CPXM2: variants seen among roughly 807,000 people sequenced by gnomAD.
CPXM2 encodes carboxypeptidase X, M14 family member 2, also known as inactive carboxypeptidase-like protein X2.
CPXM2 carries 66 observed loss-of-function variants against 86.1 expected under a neutral mutation model. The observed-to-expected ratio is 0.77, with a 90% CI of 0.63 to 0.94. The LOEUF (loss-of-function observed/expected upper bound fraction) is 0.94. Ranked by LOEUF, CPXM2 falls within the 40% of genes least tolerant of loss-of-function variation. CPXM2 has a pLI of 0.00. For synonymous variants in CPXM2, 388 were observed against 400.2 expected, an observed-to-expected ratio of 0.97 and a Z score of 0.36; for missense variants, 948 against 1,026.3, an observed-to-expected ratio of 0.92 and a Z score of 1.04.
chr10:123,850,353 T>G (rs988258703), intron 3 of CPXM2, among the ~76,000 whole-genome samples: 1 of 152,232 alleles, frequency 6.6e-6, no homozygotes, highest in Non-Finnish European at 1.5e-5. Context: ...CTGTGGTTTC[T>G]CTTTCCATGG....
At chr10:123,921,547 G>T (rs891847908) in intron 2 of CPXM2, among the ~76,000 whole-genome samples, 1 of 152,210 alleles carries the variant, frequency 6.6e-6, no homozygotes, top group Admixed American at 6.5e-5. Flanking sequence ...TAAGATAAGA[G>T]CTGGCAGCCC....
intron 4 of CPXM2, among the ~76,000 whole-genome samples, chr10:123,799,972 C>A (rs1041965051): frequency 2.0e-5 from 3 of 151,250 alleles, no homozygotes; most frequent in Admixed American, 6.6e-5. Context: ...CCTGAGTACA[C>A]CCCCTCTTTT....
At chr10:123,751,453 C>A (rs1846074305) in intron 13 of CPXM2, 1 of 960,618 alleles carries the variant, frequency 1.0e-6, no homozygotes, top group Non-Finnish European at 1.2e-6. Flanking sequence ...AGGTTTGCGT[C>A]TTTCCTTATA....
chr10:123,880,340 T>G, intron 1 of CPXM2, 31 bp from the exon 2 acceptor site: 1 of 925,748 alleles, frequency 1.1e-6, no homozygotes, highest in Non-Finnish European at 1.8e-6. Context: ...GCCTTTACTT[T>G]CACATACATC....
intron 2 of CPXM2, among the ~76,000 whole-genome samples, chr10:123,874,501 C>T (rs1426040214): frequency 6.6e-6 from 1 of 152,136 alleles, no homozygotes; most frequent in Non-Finnish European, 1.5e-5. Flanking sequence ...CTTTCATAGC[C>T]AAATGTTTAA....
intron 2 of CPXM2, among the ~76,000 whole-genome samples, chr10:123,917,157 A>G (rs965509432): frequency 3.3e-5 from 5 of 152,316 alleles, no homozygotes; most frequent in African/African-American, 7.2e-5. Context: ...AAATAGATCT[A>G]TACAATCAGC....
At chr10:123,748,734 C>T (rs560905562) in intron 13 of CPXM2, among the ~76,000 whole-genome samples, 28 of 152,166 alleles carry the variant, frequency 1.8e-4, no homozygotes, top group South Asian at 1.0e-3. Flanking sequence ...AGGAGCACGT[C>T]GACAGGCTGA....
At chr10:123,845,305 T>G (rs1848474924) in intron 3 of CPXM2, among the ~76,000 whole-genome samples, 1 of 150,832 alleles carries the variant, frequency 6.6e-6, no homozygotes, top group South Asian at 2.1e-4. Flanking sequence ...CACCATGCAG[T>G]CAGGTTTATA....
Position 123,827,571 on chromosome 10 carries a change from A to G in CPXM2, c.653+14778T>C, listed in dbSNP as rs149005661. 2.6e-3 allele frequency among the ~76,000 whole-genome samples: 396 copies of G among 152,358 alleles called. 4 individuals carry two copies. The highest frequency in any genetic ancestry group is 6.0e-3 in the African/African-American group (248 of 41,584). ...ATTCTGATGAAAGAAAACAAAGAAGATTTAAATAAATGGAAAAATATCCCA... is the reference window on the plus strand; with the variant it reads ...ATTCTGATGAAAGAAAACAAAGAAGGTTTAAATAAATGGAAAAATATCCCA... On this transcript the variant is annotated intron_variant, in intron 4 of 13. Coordinates refer to ENST00000241305, the MANE Select transcript of CPXM2 (RefSeq NM_198148.3).
intron 2 of CPXM2, among the ~76,000 whole-genome samples, chr10:123,908,647 G>A (rs906685694): frequency 3.3e-5 from 5 of 152,140 alleles, no homozygotes; most frequent in African/African-American, 1.2e-4. Flanking sequence ...GGGGTACCAG[G>A]AATGGCTGCA....
intron 6 of CPXM2, among the ~76,000 whole-genome samples, chr10:123,787,833 G>A (rs1240649852): frequency 2.0e-5 from 3 of 152,158 alleles, no homozygotes; most frequent in Non-Finnish European, 4.4e-5. Context: ...CATAGGGACA[G>A]CAGATTCCAA....
At chr10:123,796,975 T>C (rs1356706120) in intron 6 of CPXM2, among the ~76,000 whole-genome samples, 1 of 152,198 alleles carries the variant, frequency 6.6e-6, no homozygotes, top group Non-Finnish European at 1.5e-5. Context: ...TTTGGAGATG[T>C]GTGGTCAGGA....
chr10:123,757,603 AAAG>A (rs1846245026), intron 11 of CPXM2, among the ~76,000 whole-genome samples: 2 of 152,372 alleles, frequency 1.3e-5, no homozygotes, highest in African/African-American at 2.4e-5. Context: ...GTCTTTGACA[AAAG>A]AAGAATTGAA....
rs1221826659 is a variant in CPXM2 at position 123,754,664 on chromosome 10, T to C, written c.2016A>G (p.Thr672=). ...SVEGINHDIR[T]ANDGDYWRLL... is the part of the protein sequence containing the mutation. ...CAGTCTGCACACATTTGCAGTTACC[T>C]GTTCGGATGTCATGGTTAATGCCTT... Residue 672 remains threonine (T), a splice_region_variant and synonymous_variant, in exon 13 of 14, where the codon ACA becomes ACG. Transcript: ENST00000241305. This position sits in a 1 kb window ranked among gnomAD's most constrained non-coding sequence, Gnocchi z 4.0. The C allele has an allele frequency of 2.6e-6, 4 of 1,535,838 alleles. No individual in the cohort carries two copies. The highest frequency in any genetic ancestry group is 2.7e-5 in the African/African-American group (2 of 73,468).
rs553797182 is a variant in CPXM2 at position 123,891,564 on chromosome 10, G to T, written c.96C>A (p.Asp32Glu). 4 of 1,546,130 alleles carry T rather than the reference G, an allele frequency of 2.6e-6. 1 individual carries two copies. The South Asian group carries it at 4.8e-5, about 18-fold the overall frequency. Residue 32 changes from aspartate (D) to glutamate (E), a missense_variant, in exon 1 of 14, where the codon GAC (aspartate) becomes GAA (glutamate). Asp to Glu is a conservative substitution (Grantham distance 45, BLOSUM62 2). Transcript: ENST00000241305. The surrounding 1 kb of genome is among the most constrained non-coding windows in gnomAD (Gnocchi z 5.6). ...GVGAQGAALE[D>E]PDYYGQEIWS... ...AGATCTCCTGCCCGTAATAATCAGG[G>T]TCCTCGAGGGCTGCGCCCTGGGCTC...
intron 2 of CPXM2, among the ~76,000 whole-genome samples, chr10:123,872,926 A>G (rs1049084475): frequency 6.6e-6 from 1 of 151,722 alleles, no homozygotes; most frequent in African/African-American, 2.4e-5. Context: ...CCATAAAAAA[A>G]GAAAAAAAAA....
chr10:123,810,675 A>C (rs918101125), intron 4 of CPXM2, among the ~76,000 whole-genome samples: 1 of 152,152 alleles, frequency 6.6e-6, no homozygotes, highest in Admixed American at 6.5e-5. Flanking sequence ...ATTTTTATTG[A>C]ATAACATTTT....
chr10:123,827,663 C>A (rs1848076139), intron 4 of CPXM2, among the ~76,000 whole-genome samples: 1 of 152,128 alleles, frequency 6.6e-6, no homozygotes. Context: ...AGCTTTACTG[C>A]AATTCCTACC....
chr10:123,809,567 C>T (rs1847648933), intron 4 of CPXM2, among the ~76,000 whole-genome samples: 1 of 152,002 alleles, frequency 6.6e-6, no homozygotes, highest in African/African-American at 2.4e-5. Context: ...GATACACTCA[C>T]ATATATACAT....
Sources: allele counts gnomAD v4.1 joint callset (sites outside exome capture counted in the v4.1 genomes callset), GRCh38; gene constraint gnomAD v4.1.1; non-coding constraint Gnocchi (gnomAD v3.1); transcripts MANE v1.5; gene names NCBI Gene and HGNC (gene_info 2026-07-23, HGNC 2026-07-21).